The following MYO5B variants were observed in gnomAD, a reference collection of about 807,000 sequenced individuals.
MYO5B encodes the protein myosin VB.
Under a neutral mutation model 229.3 loss-of-function variants are expected in MYO5B, and 143 were observed. The ratio of observed to expected loss-of-function variants is 0.62; its 90% CI spans 0.54 to 0.72. The LOEUF (loss-of-function observed/expected upper bound fraction) is 0.72. Among genes scored for constraint, MYO5B ranks in the 30% least tolerant of loss-of-function variants. MYO5B has a pLI of 0.00. For synonymous variants in MYO5B, 918 were observed against 885.2 expected (o/e 1.04, Z -0.66); for missense variants, 2,321 against 2,331.0 (o/e 1.00, Z 0.09).
At chr18:50,132,410 G>A (rs532236908) in intron 1 of MYO5B, among the ~76,000 whole-genome samples, 1 of 152,280 alleles carries the variant, frequency 6.6e-6, no homozygotes, top group African/African-American at 2.4e-5. Context: ...TTCTGTCGTT[G>A]TAAAGATTGA....
chr18:49,964,246 G>A (rs138481389), intron 10 of MYO5B, among the ~76,000 whole-genome samples: 1 of 152,316 alleles, frequency 6.6e-6, no homozygotes, highest in African/African-American at 2.4e-5. Context: ...GTACGAAAGT[G>A]TCTTGTTCTT....
chr18:50,113,188 T>C (rs759603102), intron 1 of MYO5B, among the ~76,000 whole-genome samples: 1 of 151,154 alleles, frequency 6.6e-6, no homozygotes, highest in African/African-American at 2.5e-5. Context: ...GCTCAGTACC[T>C]GTAGTCAGCA....
intron 4 of MYO5B, among the ~76,000 whole-genome samples, chr18:50,002,849 C>T (rs1459246281): frequency 2.6e-5 from 4 of 152,136 alleles, no homozygotes; most frequent in African/African-American, 9.7e-5. Flanking sequence ...ACCAGCCTGG[C>T]CCTCTTTACA....
chr18:49,902,501 G>C (rs893581918), intron 21 of MYO5B, 93 bp downstream of exon 21: 3 of 1,559,876 alleles, frequency 1.9e-6, no homozygotes, highest in East Asian at 4.5e-5. Context: ...CGGGTCTTCG[G>C]CATGTGCAGT....
At chr18:50,125,288 C>T (rs1049170289) in intron 1 of MYO5B, among the ~76,000 whole-genome samples, 11 of 150,672 alleles carry the variant, frequency 7.3e-5, no homozygotes, top group Admixed American at 2.7e-4. Context: ...AACCAAACAC[C>T]GCATGTTCTC....
chr18:49,906,435 C>T lies in MYO5B; in HGVS notation c.2398G>A (p.Gly800Arg). Residue 800 changes from glycine (G) to arginine (R), a missense_variant, in exon 19 of 40, where the codon GGA (glycine) becomes AGA (arginine). Gly to Arg is a moderately radical substitution (Grantham distance 125). This residue lies in a region of MYO5B where 2,113 missense variants were observed against 2,044.7 expected (regional missense o/e 1.03). Transcript: ENST00000285039. The stretch of plus-strand genomic sequence containing the variant: ...CTGGCTCACCTGCGGGCCAGGTGTC[C>T]CCGGCAGTACCTCTGCAGGGTTAAG... Reference protein sequence around the residue: ...ATLTLQRYCRGHLARRLAEHL... With the variant: ...ATLTLQRYCRRHLARRLAEHL... The T allele has an allele frequency of 6.2e-7, 1 of 1,614,062 alleles. No homozygotes were observed. The highest frequency in any genetic ancestry group is 1.1e-5 in the South Asian group (1 of 91,080).
At chr18:50,185,858 G>A (rs200698620) in intron 1 of MYO5B, among the ~76,000 whole-genome samples, 1 of 147,834 alleles carries the variant, frequency 6.8e-6, no homozygotes, top group East Asian at 2.0e-4. Flanking sequence ...TGCCTTTGTA[G>A]GCTACAGGAA....
Position 49,962,453 on chromosome 18 carries a change from A to T in MYO5B, c.1405-47T>A, listed in dbSNP as rs1481479331. 3 of 1,613,404 alleles carry T rather than the reference A, an allele frequency of 1.9e-6. No homozygotes were observed. The African/African-American group carries it at 4.0e-5, about 22-fold the overall frequency. On this transcript the variant is annotated intron_variant, in intron 11 of 39. Transcript: ENST00000285039. ...CACGAGTGAACTGCAGGCACACCTT[A>T]ACATTCACCTCCCCCAGGGGCTCAG...
intron 29 of MYO5B, among the ~76,000 whole-genome samples, chr18:49,857,393 T>A (rs1389675188): frequency 6.6e-6 from 1 of 152,110 alleles, no homozygotes; most frequent in Non-Finnish European, 1.5e-5. Flanking sequence ...ACACATTGCA[T>A]CTGCAGAGCA....
chr18:49,927,408 T>A (rs2144190638), intron 17 of MYO5B, among the ~76,000 whole-genome samples: 1 of 148,516 alleles, frequency 6.7e-6, no homozygotes, highest in South Asian at 2.1e-4. Context: ...AGAGCCTGCA[T>A]TGCCAAAGCA....
intron 10 of MYO5B, among the ~76,000 whole-genome samples, chr18:49,965,143 C>T (rs758503646): frequency 1.3e-5 from 2 of 152,160 alleles, no homozygotes; most frequent in African/African-American, 2.4e-5. Context: ...CAGGGCCTGA[C>T]GTACACTGCT....
At chr18:50,054,972 T>G (rs1472257767) in intron 2 of MYO5B, among the ~76,000 whole-genome samples, 1 of 152,104 alleles carries the variant, frequency 6.6e-6, no homozygotes, top group Non-Finnish European at 1.5e-5. Flanking sequence ...CACTTCCCAG[T>G]GAGGTCTCAA....
chr18:50,110,100 C>G (rs768157475), intron 1 of MYO5B, among the ~76,000 whole-genome samples: 4 of 152,138 alleles, frequency 2.6e-5, no homozygotes, highest in African/African-American at 4.8e-5. Flanking sequence ...GTGCCTCAGG[C>G]CTGGGCACCT....
intron 4 of MYO5B, among the ~76,000 whole-genome samples, chr18:50,003,743 A>G (rs2026071736): frequency 6.6e-6 from 1 of 152,234 alleles, no homozygotes; most frequent in Admixed American, 6.5e-5. Flanking sequence ...TATGTCCCAA[A>G]TTTGTGTGTT....
rs1263061667 is a variant in MYO5B at position 50,168,937 on chromosome 18, T to C, written c.27+25830A>G. Among the ~76,000 whole-genome samples the C allele has an allele frequency of 1.6e-5, 2 of 126,160 alleles. 1 individual carries two copies. Among genetic ancestry groups the C allele is most frequent in the African/African-American group, 6.0e-5 (2 of 33,174 alleles). The allele number at this position is 126,160 out of a possible 152,430, so 82.8% of individuals were successfully genotyped here. ...AGAAATGTGTTTTCCATCAGAAATG[T>C]ATTATTTCGATCCTCCAAGCAACTA... On this transcript the variant is annotated intron_variant, in intron 1 of 39. Coordinates refer to ENST00000285039, the MANE Select transcript of MYO5B (RefSeq NM_001080467.3).
chr18:50,151,978 G>T (rs758513711), intron 1 of MYO5B, among the ~76,000 whole-genome samples: 1 of 152,178 alleles, frequency 6.6e-6, no homozygotes, highest in South Asian at 2.1e-4. Flanking sequence ...CATCCGCCCC[G>T]TTCAGATCCT....
At chr18:50,189,475 G>C (rs73962504) in intron 1 of MYO5B, among the ~76,000 whole-genome samples, 1,907 of 152,336 alleles carry the variant, frequency 0.013, 31 homozygotes, top group African/African-American at 0.039. Context: ...GTTAAGGACT[G>C]TTCCCTTTTG....
intron 1 of MYO5B, among the ~76,000 whole-genome samples, chr18:50,124,899 A>G (rs1026708519): frequency 1.3e-5 from 2 of 152,102 alleles, no homozygotes; most frequent in Non-Finnish European, 2.9e-5. Flanking sequence ...TAATTTCCCC[A>G]GACTGGGAGA....
chr18:49,835,455 G>C (rs749287235), intron 38 of MYO5B, 31 bp from the exon 39 acceptor site: 2 of 1,395,414 alleles, frequency 1.4e-6, no homozygotes, highest in African/African-American at 2.8e-5. Flanking sequence ...ATTTAGCACA[G>C]AGCTAAATGA....
Sources: allele counts gnomAD v4.1 joint callset (sites outside exome capture counted in the v4.1 genomes callset), GRCh38; gene constraint gnomAD v4.1.1; regional missense constraint gnomAD v4.1.1; transcripts MANE v1.5; gene names NCBI Gene and HGNC (gene_info 2026-07-23, HGNC 2026-07-21).